The following TMEM117 variants were observed in gnomAD, a reference collection of about 807,000 sequenced individuals.
TMEM117 encodes transmembrane protein 117.
Under a neutral mutation model 52.4 loss-of-function variants are expected in TMEM117, and 27 were observed. The observed-to-expected ratio is 0.51, with a 90% CI of 0.38 to 0.71. The LOEUF (loss-of-function observed/expected upper bound fraction) is 0.71. Among genes scored for constraint, TMEM117 ranks in the 30% least tolerant of loss-of-function variants. The probability of loss-of-function intolerance (pLI) is 0.00; values close to 1 mark genes in which losing one functional copy is unlikely to be tolerated. For missense variants in TMEM117, 556 were observed against 630.5 expected, an observed-to-expected ratio of 0.88 and a Z score of 1.26; for synonymous variants, 215 against 206.3, an observed-to-expected ratio of 1.04 and a Z score of -0.36.
intron 6 of TMEM117, among the ~76,000 whole-genome samples, chr12:44,301,385 T>A (rs79008767): frequency 0.04 from 6,025 of 151,698 alleles, 127 homozygotes; most frequent in African/African-American, 0.052. Context: ...GGAAAGACAT[T>A]CTAGATGAAA....
intron 3 of TMEM117, among the ~76,000 whole-genome samples, chr12:43,972,364 G>A (rs1041973093): frequency 2.6e-4 from 39 of 152,210 alleles, no homozygotes; most frequent in African/African-American, 8.4e-4. Context: ...CAAGAATGAA[G>A]CCGTGGACCT....
At position 44,264,909 on chromosome 12, in the gene TMEM117, A is replaced by G. The variant is rs768952862; in HGVS notation, c.609-34671A>G. 3.3e-5 allele frequency among the ~76,000 whole-genome samples: 5 copies of G among 152,190 alleles called. No individual in the cohort carries two copies. The East Asian group carries it at 7.7e-4, about 23-fold the overall frequency. On this transcript the variant is annotated intron_variant, in intron 5 of 7. Transcript: ENST00000266534. The stretch of plus-strand genomic sequence containing the variant: ...TACATCTAAGCTTCACAACAACCTT[A>G]TGAATTATGTACAGATATTATAATT...
chr12:43,842,446 C>CTATTGCCAATGTTTA (rs55684707), intron 1 of TMEM117, among the ~76,000 whole-genome samples: 1 of 151,732 alleles, frequency 6.6e-6, no homozygotes, highest in Admixed American at 6.6e-5. Flanking sequence ...TGGCTGAATT[C>CTATTGCCAATGTTTA]TATTGCCAAT....
chr12:44,132,690 T>C (rs1159857274), intron 3 of TMEM117, among the ~76,000 whole-genome samples: 1 of 152,214 alleles, frequency 6.6e-6, no homozygotes, highest in Non-Finnish European at 1.5e-5. Flanking sequence ...CTGTCATTTC[T>C]TCTCCTACTC....
intron 6 of TMEM117, among the ~76,000 whole-genome samples, chr12:44,356,607 T>C (rs1321946466): frequency 1.3e-5 from 2 of 152,096 alleles, no homozygotes; most frequent in Non-Finnish European, 2.9e-5. Flanking sequence ...CCCCAAATCT[T>C]CTGCCCTCTG....
At chr12:44,260,872 C>T (rs1950312584) in intron 5 of TMEM117, among the ~76,000 whole-genome samples, 1 of 152,066 alleles carries the variant, frequency 6.6e-6, no homozygotes, top group Non-Finnish European at 1.5e-5. Flanking sequence ...TAATCAGACT[C>T]CACAAGTAAA....
At chr12:43,895,248 G>A (rs911531878) in intron 2 of TMEM117, among the ~76,000 whole-genome samples, 1 of 152,030 alleles carries the variant, frequency 6.6e-6, no homozygotes, top group African/African-American at 2.4e-5. Context: ...AACATGAGGT[G>A]TTTGGTTTTG....
In TMEM117 at chr12:44,033,080, T is replaced by C. The variant is rs148396169; in HGVS notation, c.410+88738T>C. Among the ~76,000 whole-genome samples the C allele has an allele frequency of 3.2e-3, 492 of 152,148 alleles. 8 individuals are homozygous for C. Among genetic ancestry groups the C allele is most frequent in the Admixed American group, 0.028 (430 of 15,280 alleles). On this transcript the variant is annotated intron_variant, in intron 3 of 7. Coordinates refer to ENST00000266534, the MANE Select transcript of TMEM117 (RefSeq NM_032256.3). ...ATAAAGACCTTGCTGATAAAATGAG[T>C]TGCAGTAAAGAAACCAGCCAAAACC... is the stretch of plus-strand genomic sequence containing the variant.
At chr12:44,191,247 A>G (rs1565573349) in intron 4 of TMEM117, among the ~76,000 whole-genome samples, 1 of 152,056 alleles carries the variant, frequency 6.6e-6, no homozygotes, top group African/African-American at 2.4e-5. Flanking sequence ...AACCACTCCT[A>G]TGATTCAATT....
chr12:44,133,949 T>G (rs1386484122), intron 3 of TMEM117, among the ~76,000 whole-genome samples: 3 of 152,150 alleles, frequency 2.0e-5, no homozygotes, highest in Admixed American at 2.0e-4. Context: ...TTCTGACACT[T>G]TGTAAGAGAC....
chr12:44,304,126 C>G (rs144488423), intron 6 of TMEM117, among the ~76,000 whole-genome samples: 1 of 152,290 alleles, frequency 6.6e-6, no homozygotes, highest in Non-Finnish European at 1.5e-5. Context: ...TCTTGAATTG[C>G]TGATACCTCT....
intron 6 of TMEM117, among the ~76,000 whole-genome samples, chr12:44,373,774 T>C (rs1951898705): frequency 5.5e-5 from 3 of 54,766 alleles, no homozygotes; most frequent in East Asian, 3.1e-3. Context: ...CCATTTCCTT[T>C]TTTTTTTTTT....
intron 4 of TMEM117, among the ~76,000 whole-genome samples, chr12:44,155,146 A>G (rs1284443269): frequency 1.3e-5 from 2 of 152,172 alleles, no homozygotes; most frequent in South Asian, 4.1e-4. Flanking sequence ...ATTTGTATAC[A>G]TAGTTTTTAA....
intron 5 of TMEM117, among the ~76,000 whole-genome samples, chr12:44,217,086 A>G (rs1949728251): frequency 6.6e-6 from 1 of 152,192 alleles, no homozygotes; most frequent in Non-Finnish European, 1.5e-5. Context: ...ATCTTAATAT[A>G]CATTAAATAT....
At chr12:44,381,030 A>G (rs1952012836) in intron 7 of TMEM117, among the ~76,000 whole-genome samples, 1 of 152,098 alleles carries the variant, frequency 6.6e-6, no homozygotes, top group East Asian at 1.9e-4. Context: ...AGCTAGTTTT[A>G]TTTATGCATG....
Position 44,190,303 on chromosome 12 carries a change from AAAAATAAATTTT to A in TMEM117, c.511-20985_511-20974del, listed in dbSNP as rs201434111. Among the ~76,000 whole-genome samples the A allele has an allele frequency of 1.7e-3, 260 of 152,364 alleles. 2 individuals are homozygous for A. The East Asian group carries it at 0.032, about 19-fold the overall frequency. Reference sequence around the variant, plus strand: ...CTATTAAGCCACATAGCTATAAAGCAAAAATAAATTTTAGTATATTGTCTCTTCAAGCTATGC... The same window carrying A: ...CTATTAAGCCACATAGCTATAAAGCAAGTATATTGTCTCTTCAAGCTATGC... On this transcript the variant is annotated intron_variant, in intron 4 of 7. Transcript: ENST00000266534.
intron 4 of TMEM117, among the ~76,000 whole-genome samples, chr12:44,154,405 T>A (rs757847305): frequency 6.6e-6 from 1 of 152,042 alleles, no homozygotes. Context: ...GTAATGCCTA[T>A]GAGTCAAGTG....
At chr12:44,161,050 C>G (rs985630122) in intron 4 of TMEM117, among the ~76,000 whole-genome samples, 2 of 152,226 alleles carry the variant, frequency 1.3e-5, no homozygotes, top group South Asian at 4.1e-4. Flanking sequence ...CACTAATTGG[C>G]TATAATCATG....
chr12:43,802,502 TTGAGA>T, the TMEM117 span: 1 of 1,477,124 alleles, frequency 6.8e-7, no homozygotes, highest in Non-Finnish European at 9.4e-7. Flanking sequence ...GGTAAATGGT[TTGAGA>T]TATCAAGTGG....
Sources: allele counts gnomAD v4.1 joint callset (sites outside exome capture counted in the v4.1 genomes callset), GRCh38; gene constraint gnomAD v4.1.1; transcripts MANE v1.5; gene names NCBI Gene and HGNC (gene_info 2026-07-23, HGNC 2026-07-21).